SOD2: variants seen among roughly 807,000 people sequenced by gnomAD.
SOD2 encodes superoxide dismutase [Mn], mitochondrial.
SOD2 carries 11 observed loss-of-function variants against 27.0 expected under a neutral mutation model. That is an observed-to-expected ratio of 0.41 (90% CI 0.26 to 0.67). SOD2 has a LOEUF of 0.67. Among genes scored for constraint, SOD2 ranks in the 30% least tolerant of loss-of-function variants. SOD2 has a pLI of 0.34. For missense variants in SOD2, 250 were observed against 274.5 expected (o/e 0.91, Z 0.63); for synonymous variants, 105 against 103.0 (o/e 1.02, Z -0.12).
rs137920513 is a variant in SOD2, at chr6:159,759,334, C to T, written c.-336+1703G>A. Among the ~76,000 whole-genome samples the T allele has an allele frequency of 8.3e-3, 1,226 of 146,962 alleles. 17 individuals are homozygous for T. Among genetic ancestry groups the T allele is most frequent in the African/African-American group, 0.029 (1,160 of 40,570 alleles). ...TCGGCCTCCCAAAGTGCTGGGATTA[C>T]AGGCATGAGCCACCGCGGCCGGCCA... On this transcript the variant is annotated intron_variant, in intron 1 of 7. Coordinates refer to the SOD2 transcript ENST00000546087.
chr6:159,698,189 C>T (rs1223262421), upstream of SOD2, among the ~76,000 whole-genome samples: 1 of 152,176 alleles, frequency 6.6e-6, no homozygotes, highest in Non-Finnish European at 1.5e-5. Context: ...AGAAGAATCG[C>T]TTGAACCCGG....
At chr6:159,704,741 C>T (rs1253923282) in intron 1 of SOD2, among the ~76,000 whole-genome samples, 2 of 152,352 alleles carry the variant, frequency 1.3e-5, no homozygotes, top group East Asian at 3.9e-4. Context: ...CCTCTGCAGA[C>T]TTAAATGTCC....
chr6:159,701,772 G>T (rs1378750532), intron 1 of SOD2, among the ~76,000 whole-genome samples: 1 of 152,102 alleles, frequency 6.6e-6, no homozygotes, highest in Non-Finnish European at 1.5e-5. Flanking sequence ...TTTGGTATTT[G>T]AATGGTACCC....
At chr6:159,690,779 T>C (rs1780424087) in intron 2 of SOD2, 1 of 152,184 alleles carries the variant, frequency 6.6e-6, no homozygotes, top group Non-Finnish European at 1.5e-5. Context: ...AATCTTAACA[T>C]CTTACAGTTT....
At chr6:159,715,945 AC>A (rs1777915722) in intron 1 of SOD2, among the ~76,000 whole-genome samples, 1 of 151,856 alleles carries the variant, frequency 6.6e-6, no homozygotes, top group African/African-American at 2.4e-5. Flanking sequence ...ATCCTTCAAG[AC>A]CCTTATATTT....
chr6:159,747,895 G>A (rs201257519), upstream of SOD2, among the ~76,000 whole-genome samples: 4 of 108,536 alleles, frequency 3.7e-5, no homozygotes, highest in African/African-American at 9.8e-5. Context: ...ACCTTAAATA[G>A]TTATTTTTTT....
At chr6:159,758,658 A>C (rs1780063428) in intron 1 of SOD2, among the ~76,000 whole-genome samples, 3 of 152,162 alleles carry the variant, frequency 2.0e-5, no homozygotes, top group Non-Finnish European at 4.4e-5. Flanking sequence ...ATCTGGACCC[A>C]TCATGGGGTG....
chr6:159,731,766 G>A (rs1208901326), upstream of SOD2, among the ~76,000 whole-genome samples: 4 of 152,172 alleles, frequency 2.6e-5, no homozygotes, highest in African/African-American at 9.7e-5. Flanking sequence ...TTCTTTTTGA[G>A]ATGGGGAAAC....
chr6:159,684,543 G>A (rs1780098081), intron 4 of SOD2, among the ~76,000 whole-genome samples: 1 of 152,094 alleles, frequency 6.6e-6, no homozygotes, highest in Non-Finnish European at 1.5e-5. Context: ...CTTGAACCCA[G>A]GAGGCGGAGG....
upstream of SOD2, among the ~76,000 whole-genome samples, chr6:159,728,032 CG>C: frequency 6.6e-6 from 1 of 152,306 alleles, no homozygotes; most frequent in East Asian, 1.9e-4. Flanking sequence ...GCCTCGGGGT[CG>C]CCCCCTTCAC....
intron 1 of SOD2, among the ~76,000 whole-genome samples, chr6:159,738,831 T>TAA (rs373027980): frequency 6.9e-6 from 1 of 145,724 alleles, no homozygotes; most frequent in African/African-American, 2.5e-5. Context: ...TAGTTTACCT[T>TAA]AAAAAAAAAA....
intron 1 of SOD2, among the ~76,000 whole-genome samples, chr6:159,735,614 T>G (rs934411924): frequency 2.6e-5 from 4 of 152,048 alleles, no homozygotes. Flanking sequence ...CCAGGTGTGG[T>G]GGCACGCACC....
chr6:159,736,159 G>T, intron 1 of SOD2: 1 of 1,139,862 alleles, frequency 8.8e-7, no homozygotes, highest in Admixed American at 2.2e-5. Flanking sequence ...CAGTAATTTA[G>T]TTCACTAATA....
intron 2 of SOD2, chr6:159,691,662 C>T (rs907789802): frequency 5.3e-5 from 8 of 151,662 alleles, no homozygotes; most frequent in Non-Finnish European, 8.8e-5. Flanking sequence ...TTCCCATACA[C>T]ACCCCCAAAA....
intron 1 of SOD2, chr6:159,736,231 C>A: frequency 2.5e-6 from 4 of 1,576,720 alleles, no homozygotes; most frequent in Non-Finnish European, 2.6e-6. Flanking sequence ...ATAAATTGAA[C>A]TTGTTTTCCG....
chr6:159,694,399 T>G (rs962647124), upstream of SOD2, among the ~76,000 whole-genome samples: 19 of 151,988 alleles, frequency 1.3e-4, no homozygotes, highest in African/African-American at 4.3e-4. Context: ...CGTACAGCCC[T>G]CCGAAGGATG....
At chr6:159,710,860 A>C (rs1777728290) in intron 1 of SOD2, among the ~76,000 whole-genome samples, 1 of 140,904 alleles carries the variant, frequency 7.1e-6, no homozygotes, top group Non-Finnish European at 1.5e-5. Context: ...CCTCATAACC[A>C]CCACTCAGCT....
At chr6:159,710,973 A>G (rs867596730) in intron 1 of SOD2, among the ~76,000 whole-genome samples, 66 of 112,424 alleles carry the variant, frequency 5.9e-4, no homozygotes, top group East Asian at 1.2e-3. Context: ...CTCCATAACC[A>G]CCTCCATAAC....
At chr6:159,727,600 A>G (rs1322602481), upstream of SOD2, 2 of 986,166 alleles carry the variant, frequency 2.0e-6, no homozygotes, top group Non-Finnish European at 2.4e-6. Context: ...CCGGCGGCAG[A>G]GCTGTCCGGC....
Sources: gnomAD v4.1 joint callset for allele counts (sites outside exome capture counted in the v4.1 genomes callset) on GRCh38, gnomAD v4.1.1 for gene constraint, MANE v1.5 for transcripts, NCBI Gene and HGNC (gene_info 2026-07-23, HGNC 2026-07-21) for gene names.